RHBDL2: variants seen among roughly 807,000 people sequenced by gnomAD.
The protein encoded by RHBDL2 is rhomboid-related protein 2.
RHBDL2 carries 26 observed loss-of-function variants against 31.7 expected under a neutral mutation model. That is an observed-to-expected ratio of 0.82 (90% CI 0.60 to 1.14). RHBDL2 has a LOEUF of 1.14. RHBDL2 is among the 50% of genes most tolerant of loss of function. The probability of loss-of-function intolerance (pLI) is 0.00; values close to 1 mark genes in which losing one functional copy is unlikely to be tolerated. For synonymous variants in RHBDL2, 123 were observed against 127.2 expected, an observed-to-expected ratio of 0.97 and a Z score of 0.22; for missense variants, 336 against 364.4, an observed-to-expected ratio of 0.92 and a Z score of 0.63.
intron 4 of RHBDL2, among the ~76,000 whole-genome samples, chr1:38,909,604 T>C (rs975353668): frequency 3.1e-4 from 47 of 151,978 alleles, no homozygotes; most frequent in African/African-American, 1.1e-3. Context: ...TAGCTGGGTG[T>C]GGTGGCAGAC....
chr1:38,930,596 A>G (rs1643429328), intron 1 of RHBDL2, among the ~76,000 whole-genome samples: 1 of 152,182 alleles, frequency 6.6e-6, no homozygotes, highest in Admixed American at 6.5e-5. Context: ...TGGGCTTTCA[A>G]AGCTGTGGTG....
At chr1:38,899,736 AC>A (rs1642965878) in intron 4 of RHBDL2, among the ~76,000 whole-genome samples, 1 of 152,224 alleles carries the variant, frequency 6.6e-6, no homozygotes, top group Non-Finnish European at 1.5e-5. Context: ...CATCAAGGCC[AC>A]CTGCCAACAG....
At chr1:38,894,984 C>T (rs952382060) in intron 5 of RHBDL2, among the ~76,000 whole-genome samples, 3 of 152,152 alleles carry the variant, frequency 2.0e-5, no homozygotes, top group African/African-American at 7.2e-5. Flanking sequence ...GGATTACAGG[C>T]GTGAGCCACC....
chr1:38,931,394 G>T (rs763384758), intron 1 of RHBDL2, among the ~76,000 whole-genome samples: 1 of 152,050 alleles, frequency 6.6e-6, no homozygotes, highest in Admixed American at 6.6e-5. Context: ...GTTGGCGGGC[G>T]CCTGTAGTCA....
rs58016241 is a variant in RHBDL2 at position 38,934,971 on chromosome 1, AT to A, written c.-126+6710del. ...AGGCTCAGTCGCAAAAAAAAAAAAA[AT>A]TTTTTTAAAGAAGCTCTGTTCTGTC... On this transcript the variant is annotated intron_variant, in intron 1 of 7. Coordinates refer to ENST00000372990, the MANE Select transcript of RHBDL2 (RefSeq NM_017821.5). Among the ~76,000 whole-genome samples the A allele has an allele frequency of 3.2e-3, 448 of 139,238 alleles. 2 individuals are homozygous for A. Among genetic ancestry groups the A allele is most frequent in the African/African-American group, 0.011 (421 of 38,300 alleles). 91.3% of individuals were successfully genotyped at this position (139,238 alleles called of 152,430 possible).
At chr1:38,937,752 C>T (rs1643525545) in intron 1 of RHBDL2, among the ~76,000 whole-genome samples, 1 of 152,126 alleles carries the variant, frequency 6.6e-6, no homozygotes, top group Admixed American at 6.6e-5. Context: ...CAAAAGGAAA[C>T]TATTTATAAA....
chr1:38,903,432 C>G (rs1172006615), intron 4 of RHBDL2, among the ~76,000 whole-genome samples: 1 of 151,958 alleles, frequency 6.6e-6, no homozygotes, highest in African/African-American at 2.4e-5. Flanking sequence ...GAGCTACCAC[C>G]CCCGGCCGAG....
At chr1:38,925,578 CA>C (rs1156658334) in intron 1 of RHBDL2, among the ~76,000 whole-genome samples, 4 of 151,660 alleles carry the variant, frequency 2.6e-5, no homozygotes, top group African/African-American at 7.3e-5. Context: ...ACTCACTGAA[CA>C]ACTTTTCCTT....
At chr1:38,919,952 C>G (rs914733232) in intron 1 of RHBDL2, among the ~76,000 whole-genome samples, 19 of 152,174 alleles carry the variant, frequency 1.2e-4, no homozygotes, top group Admixed American at 3.3e-4. Context: ...ACCACTAGTT[C>G]CAAAACTTTT....
intron 4 of RHBDL2, among the ~76,000 whole-genome samples, chr1:38,906,237 A>G (rs1013892459): frequency 6.6e-6 from 1 of 152,232 alleles, no homozygotes; most frequent in Non-Finnish European, 1.5e-5. Flanking sequence ...AACAAAAGGC[A>G]TATAGATTGG....
At chr1:38,916,619 A>G (rs1408264844) in intron 2 of RHBDL2, among the ~76,000 whole-genome samples, 1 of 152,056 alleles carries the variant, frequency 6.6e-6, no homozygotes, top group Non-Finnish European at 1.5e-5. Context: ...AGGCTGAGGC[A>G]GGTGGATCAC....
At chr1:38,886,927 G>T (rs1642791843) in intron 7 of RHBDL2, among the ~76,000 whole-genome samples, 1 of 152,192 alleles carries the variant, frequency 6.6e-6, no homozygotes, top group Non-Finnish European at 1.5e-5. Context: ...AAAAGACAGA[G>T]AAATTGTTTC....
At chr1:38,909,589 A>G (rs1440748181) in intron 4 of RHBDL2, among the ~76,000 whole-genome samples, 2 of 152,024 alleles carry the variant, frequency 1.3e-5, no homozygotes, top group Non-Finnish European at 2.9e-5. Flanking sequence ...TAAAAATACA[A>G]AAATTAGCTG....
intron 4 of RHBDL2, among the ~76,000 whole-genome samples, chr1:38,910,834 A>G (rs895805250): frequency 6.8e-6 from 1 of 146,210 alleles, no homozygotes; most frequent in Non-Finnish European, 1.5e-5. Context: ...TGTGGAGTGC[A>G]GTGGCACAAT....
chr1:38,934,990 G>A (rs1214667856), intron 1 of RHBDL2, among the ~76,000 whole-genome samples: 1 of 151,570 alleles, frequency 6.6e-6, no homozygotes, highest in Non-Finnish European at 1.5e-5. Flanking sequence ...AAGAAGCTCT[G>A]TTCTGTCTCA....
chr1:38,904,904 G>A (rs1258141641), intron 4 of RHBDL2, among the ~76,000 whole-genome samples: 3 of 149,182 alleles, frequency 2.0e-5, no homozygotes, highest in South Asian at 4.2e-4. Context: ...GGTAGCGGGC[G>A]CCTGTAGTCC....
chr1:38,916,678 T>A (rs1343679901), intron 2 of RHBDL2, among the ~76,000 whole-genome samples: 1 of 149,114 alleles, frequency 6.7e-6, no homozygotes, highest in Admixed American at 6.8e-5. Flanking sequence ...CGAAACCACA[T>A]CTCTACTAAA....
At chr1:38,902,403 TA>T (rs1266739317) in intron 4 of RHBDL2, among the ~76,000 whole-genome samples, 6 of 127,696 alleles carry the variant, frequency 4.7e-5, no homozygotes, top group Non-Finnish European at 6.4e-5. Context: ...TATTTCATTT[TA>T]TTTTTTTATT....
chr1:38,909,044 G>A lies in RHBDL2; in HGVS notation c.508+2278C>T, dbSNP rs1168643112. ...GCCCCAGCCAAACTCCGCGTCCTCC[G>A]GCTGGTCAGTGGCCTGCTGGCGTGC... On this transcript the variant is annotated intron_variant, in intron 4 of 7. Transcript: ENST00000372990. Among the ~76,000 whole-genome samples the A allele has an allele frequency of 3.9e-5, 6 of 152,268 alleles. No individual in the cohort carries two copies. The East Asian group carries it at 1.2e-3, about 29-fold the overall frequency.
Sources: allele counts gnomAD v4.1 joint callset (sites outside exome capture counted in the v4.1 genomes callset), GRCh38; gene constraint gnomAD v4.1.1; transcripts MANE v1.5; gene names NCBI Gene and HGNC (gene_info 2026-07-23, HGNC 2026-07-21).